Variants in CNTLN observed in about 807,000 individuals in gnomAD.
CNTLN encodes centlein, centrosomal protein.
In CNTLN, 212 loss-of-function variants were observed where a neutral mutation model predicts 180.0. The observed-to-expected ratio is 1.18, with a 90% CI of 1.05 to 1.32. The LOEUF (loss-of-function observed/expected upper bound fraction) is 1.32, where lower values mean the gene tolerates loss of function less well. Among genes scored for constraint, CNTLN ranks in the 40% most tolerant of loss-of-function variants. CNTLN has a pLI of 0.00. For missense variants in CNTLN, 2,095 were observed against 1,610.9 expected (o/e 1.30, Z -5.14); for synonymous variants, 722 against 563.1 (o/e 1.28, Z -3.99).
chr9:17,219,607 T>C (rs1027299567), intron 2 of CNTLN, among the ~76,000 whole-genome samples: 16 of 152,244 alleles, frequency 1.1e-4, no homozygotes, highest in African/African-American at 3.8e-4. Flanking sequence ...ATGGCACTTA[T>C]GACCCATTTT....
downstream of CNTLN, among the ~76,000 whole-genome samples, chr9:17,508,350 T>TAA (rs1833970414): frequency 6.6e-6 from 1 of 152,230 alleles, no homozygotes; most frequent in African/African-American, 2.4e-5. Context: ...ACATCTTACA[T>TAA]AACCACAGTA....
chr9:17,414,129 T>A (rs1828056282), intron 16 of CNTLN, among the ~76,000 whole-genome samples: 3 of 152,194 alleles, frequency 2.0e-5, no homozygotes, highest in Non-Finnish European at 4.4e-5. Context: ...GCCTTCTGCA[T>A]TCTGTGTTGC....
At chr9:17,521,637 G>C in the CNTLN span, among the ~76,000 whole-genome samples, 1 of 152,056 alleles carries the variant, frequency 6.6e-6, no homozygotes, top group African/African-American at 2.4e-5. Context: ...TTTTCTCCTA[G>C]ATGGTGTGGA....
At chr9:17,292,814 C>T (rs1263406085) in intron 6 of CNTLN, among the ~76,000 whole-genome samples, 1 of 151,410 alleles carries the variant, frequency 6.6e-6, no homozygotes, top group Non-Finnish European at 1.5e-5. Flanking sequence ...GTTCATCCAT[C>T]TCCACCTCCG....
chr9:17,298,203 G>T lies in CNTLN; in HGVS notation c.997G>T (p.Glu333Ter). 1 of 1,523,830 alleles carries T rather than the reference G, an allele frequency of 6.6e-7. No individual in the cohort carries two copies. Among genetic ancestry groups the T allele is most frequent in the South Asian group, 1.4e-5 (1 of 73,986 alleles). 94.4% of individuals were successfully genotyped at this position (1,523,830 alleles called of 1,614,324 possible). Residue 333 changes from glutamate to a stop codon, truncating the protein, a stop_gained, in exon 7 of 26, where the codon GAG becomes TAG. Coordinates refer to ENST00000380647, the MANE Select transcript of CNTLN (RefSeq NM_017738.4). LOFTEE classifies it high-confidence loss of function. ...DITLVRKELQELQNLYKQNST... is the reference protein window; with the variant it reads ...DITLVRKELQ ...TGCTTTGCACAGGAAGGAACTGCAG[G>T]AGCTGCAGAATCTTTACAAACAGAA...
intron 18 of CNTLN, among the ~76,000 whole-genome samples, chr9:17,420,174 C>T (rs773749666): frequency 6.6e-6 from 1 of 152,140 alleles, no homozygotes; most frequent in Non-Finnish European, 1.5e-5. Flanking sequence ...ACCAGCCTCC[C>T]AAAGTGTAGC....
At chr9:17,495,213 T>A (rs1232534065) in intron 25 of CNTLN, among the ~76,000 whole-genome samples, 1 of 151,638 alleles carries the variant, frequency 6.6e-6, no homozygotes, top group Non-Finnish European at 1.5e-5. Flanking sequence ...TATTTTAGAG[T>A]GTACTCTTAT....
Position 17,187,966 on chromosome 9 carries a change from C to T in CNTLN, c.450-38237C>T, listed in dbSNP as rs1175030444. ...TAAGGAATAATTTAATATTTATATA[C>T]TCTCTACTTTGCTCAATAATTATAT... is the stretch of plus-strand genomic sequence containing the variant. On this transcript the variant is annotated intron_variant, in intron 2 of 25. Transcript: ENST00000380647. Among the ~76,000 whole-genome samples the T allele has an allele frequency of 2.0e-5, 3 of 149,772 alleles. No homozygotes were observed. The East Asian group carries it at 5.8e-4, about 29-fold the overall frequency.
chr9:17,197,905 T>A (rs1441900452), intron 2 of CNTLN, among the ~76,000 whole-genome samples: 2 of 152,204 alleles, frequency 1.3e-5, no homozygotes, highest in Non-Finnish European at 2.9e-5. Flanking sequence ...TGTGATTTGA[T>A]TTTTGAGTAT....
intron 12 of CNTLN, among the ~76,000 whole-genome samples, chr9:17,361,530 C>CA (rs1238945726): frequency 1.3e-5 from 2 of 151,916 alleles, no homozygotes; most frequent in African/African-American, 2.4e-5. Context: ...TATGCACATG[C>CA]AAAAAAAGAA....
At chr9:17,441,102 A>G (rs1564108935) in intron 18 of CNTLN, among the ~76,000 whole-genome samples, 1 of 152,248 alleles carries the variant, frequency 6.6e-6, no homozygotes, top group Non-Finnish European at 1.5e-5. Context: ...AACCAAGAAT[A>G]TTATGTCTGG....
At chr9:17,393,465 G>A (rs987192014) in intron 14 of CNTLN, among the ~76,000 whole-genome samples, 12 of 151,954 alleles carry the variant, frequency 7.9e-5, no homozygotes, top group East Asian at 3.9e-4. Flanking sequence ...TTCCATACAC[G>A]TCTGAGTAAT....
chr9:17,458,473 A>G (rs951293505), intron 19 of CNTLN, among the ~76,000 whole-genome samples: 3 of 151,986 alleles, frequency 2.0e-5, no homozygotes, highest in Non-Finnish European at 4.4e-5. Context: ...AATGTGAGTC[A>G]CTAGAAAGAA....
At chr9:17,320,305 G>A (rs770488157) in intron 8 of CNTLN, among the ~76,000 whole-genome samples, 12 of 151,930 alleles carry the variant, frequency 7.9e-5, no homozygotes, top group Non-Finnish European at 1.5e-4. Flanking sequence ...GCAACCTCTA[G>A]AAGAATAAAT....
At position 17,321,637 on chromosome 9, in the gene CNTLN, T is replaced by A. The variant is rs565228908; in HGVS notation, c.1342-8995T>A. On this transcript the variant is annotated intron_variant, in intron 8 of 25. Transcript: ENST00000380647. ...TTCTTGCCAGAGGGTCTGATATTGATAGTGACTATTTGGCATTAACTAAAG... is the reference window on the plus strand; with the variant it reads ...TTCTTGCCAGAGGGTCTGATATTGAAAGTGACTATTTGGCATTAACTAAAG... Among the ~76,000 whole-genome samples the A allele has an allele frequency of 2.7e-4, 41 of 152,300 alleles. 1 individual carries two copies. Among genetic ancestry groups the A allele is most frequent in the African/African-American group, 9.6e-4 (40 of 41,568 alleles).
At chr9:17,362,456 T>C (rs1417845033) in intron 12 of CNTLN, among the ~76,000 whole-genome samples, 1 of 152,182 alleles carries the variant, frequency 6.6e-6, no homozygotes, top group East Asian at 1.9e-4. Context: ...TGTGAATTGA[T>C]GTTTATAATA....
intron 8 of CNTLN, among the ~76,000 whole-genome samples, chr9:17,323,877 C>A (rs979727417): frequency 6.6e-6 from 1 of 152,160 alleles, no homozygotes; most frequent in Non-Finnish European, 1.5e-5. Context: ...ATGCCAAACT[C>A]GGCTACAGTT....
intron 1 of CNTLN, among the ~76,000 whole-genome samples, chr9:17,139,878 C>T (rs2815177): frequency 0.26 from 39,694 of 151,710 alleles, 6,508 homozygotes; most frequent in African/African-American, 0.47. Flanking sequence ...CTAAGTTTTG[C>T]ATTTTTTGTA....
intron 2 of CNTLN, among the ~76,000 whole-genome samples, chr9:17,148,407 A>G (rs1818603718): frequency 6.6e-6 from 1 of 152,222 alleles, no homozygotes; most frequent in Non-Finnish European, 1.5e-5. Context: ...TGATCAATAC[A>G]TAGCCTCATT....
Sources: allele counts gnomAD v4.1 joint callset (sites outside exome capture counted in the v4.1 genomes callset), GRCh38; gene constraint gnomAD v4.1.1; transcripts MANE v1.5; gene names NCBI Gene and HGNC (gene_info 2026-07-23, HGNC 2026-07-21).